VGLL3: variants seen among roughly 807,000 people sequenced by gnomAD.
VGLL3 encodes transcription cofactor vestigial-like protein 3.
In VGLL3, 18 loss-of-function variants were observed where a neutral mutation model predicts 29.2. The observed-to-expected ratio is 0.62, with a 90% CI of 0.43 to 0.91. The LOEUF is 0.91. Ranked by LOEUF, VGLL3 falls within the 40% of genes least tolerant of loss-of-function variation. The pLI is 0.00. For synonymous variants in VGLL3, 180 were observed against 151.8 expected, an observed-to-expected ratio of 1.19 and a Z score of -1.36; for missense variants, 440 against 413.2, an observed-to-expected ratio of 1.06 and a Z score of -0.56.
chr3:86,990,125 A>G (rs750544567), intron 1 of VGLL3, among the ~76,000 whole-genome samples: 2 of 152,180 alleles, frequency 1.3e-5, no homozygotes, highest in Admixed American at 1.3e-4. Context: ...CACCCGATAG[A>G]CATTATGCTA....
At position 86,942,406 on chromosome 3, in the gene VGLL3, T is replaced by C. The variant is rs1383992143; in HGVS notation, c.*4618A>G. The C allele has an allele frequency of 2.0e-5, 3 of 152,154 alleles. No homozygotes were observed. The highest frequency in any genetic ancestry group is 1.3e-4 in the Admixed American group (2 of 15,266). The allele number at this position is 152,154 out of a possible 1,614,324, so 9.4% of individuals were successfully genotyped here. A position where few individuals can be genotyped will look rare whatever the true frequency, so the allele number is the denominator to read the frequency against. ...CCAATAAGATTGTTTCTTTTTTTCC[T>C]TGAGTAGAGTAAATCTGCTGACTGA... On this transcript the variant is annotated 3_prime_UTR_variant, in exon 4 of 4. Coordinates refer to ENST00000398399, the MANE Select transcript of VGLL3 (RefSeq NM_016206.4).
intron 3 of VGLL3, among the ~76,000 whole-genome samples, chr3:86,960,738 A>G (rs1033533868): frequency 2.0e-5 from 3 of 151,996 alleles, no homozygotes; most frequent in African/African-American, 7.2e-5. Context: ...ATAGTGTTTA[A>G]TATCTGGATA....
chr3:86,957,212 G>T, intron 3 of VGLL3, among the ~76,000 whole-genome samples: 1 of 152,066 alleles, frequency 6.6e-6, no homozygotes, highest in Middle Eastern at 3.2e-3. Flanking sequence ...TCCATTGTCT[G>T]CCCAATCAAT....
intron 3 of VGLL3, among the ~76,000 whole-genome samples, chr3:86,947,594 T>C (rs1449070686): frequency 6.6e-6 from 1 of 152,188 alleles, no homozygotes; most frequent in Non-Finnish European, 1.5e-5. Flanking sequence ...GAGTCTACTA[T>C]AGTCAGTAAA....
rs1166135205 is a variant in VGLL3, at chr3:86,966,785, A to G, written c.937+1805T>C. ...ATAGTGTGTGTGTGTATATATATAT[A>G]TATATATATATATATATATATATAT... On this transcript the variant is annotated intron_variant, in intron 3 of 3. Coordinates refer to ENST00000398399, the MANE Select transcript of VGLL3 (RefSeq NM_016206.4). Among the ~76,000 whole-genome samples, 59 of 82,872 alleles carry G rather than the reference A, an allele frequency of 7.1e-4. 1 individual carries two copies. The highest frequency in any genetic ancestry group is 1.8e-3 in the African/African-American group (35 of 19,480). 54.4% of individuals were successfully genotyped at this position (82,872 alleles called of 152,430 possible). A position where few individuals can be genotyped will look rare whatever the true frequency, so the allele number is the denominator to read the frequency against.
rs1199151263 is a variant in VGLL3, at chr3:86,938,238, AAATT to A, written c.*8782_*8785del. 6.6e-6 allele frequency: 1 copy of A among 152,238 alleles called. No homozygotes were observed. Among genetic ancestry groups the A allele is most frequent in the Non-Finnish European group, 1.5e-5 (1 of 68,040 alleles). 9.4% of individuals were successfully genotyped at this position (152,238 alleles called of 1,614,324 possible). A position where few individuals can be genotyped will look rare whatever the true frequency, so the allele number is the denominator to read the frequency against. Reference sequence around the variant, plus strand: ...ACATTGTGTAATCATTATCACAATCAAATTAATTAATACAACCATAACTAGAAGT... The same window carrying A: ...ACATTGTGTAATCATTATCACAATCAAATTAATACAACCATAACTAGAAGT... On this transcript the variant is annotated 3_prime_UTR_variant, in exon 4 of 4. Coordinates refer to ENST00000398399, the MANE Select transcript of VGLL3 (RefSeq NM_016206.4).
Position 86,938,704 on chromosome 3 carries a change from C to T in VGLL3, c.*8320G>A, listed in dbSNP as rs1324546594. ...CCAGAGTATGGATACCTTCTTTACA[C>T]ATTAAATCTATCAAAACATGTTTGC... On this transcript the variant is annotated 3_prime_UTR_variant, in exon 4 of 4. Coordinates refer to ENST00000398399, the MANE Select transcript of VGLL3 (RefSeq NM_016206.4). 1.3e-5 allele frequency: 2 copies of T among 152,652 alleles called. No individual in the cohort carries two copies. The highest frequency in any genetic ancestry group is 6.5e-5 in the Admixed American group (1 of 15,280). 9.5% of individuals were successfully genotyped at this position (152,652 alleles called of 1,614,324 possible).
intron 2 of VGLL3, among the ~76,000 whole-genome samples, chr3:86,974,324 G>T (rs909381528): frequency 2.0e-5 from 3 of 151,988 alleles, no homozygotes; most frequent in Non-Finnish European, 4.4e-5. Flanking sequence ...TCACAATGTT[G>T]CCTAGGCTGG....
chr3:86,988,223 C>T (rs1436637), intron 1 of VGLL3, among the ~76,000 whole-genome samples: 151,910 of 152,266 alleles, frequency 1, 75,778 homozygotes, highest in Middle Eastern at 1. Context: ...TACTTTTCTT[C>T]GCTCCTTTTC....
chr3:86,988,937 C>T (rs1322989960), intron 1 of VGLL3, among the ~76,000 whole-genome samples: 3 of 151,902 alleles, frequency 2.0e-5, no homozygotes, highest in Middle Eastern at 6.8e-3. Flanking sequence ...AGTATGTTGA[C>T]GGTTTTAGCA....
intron 3 of VGLL3, among the ~76,000 whole-genome samples, chr3:86,952,421 C>T (rs1260727891): frequency 1.3e-5 from 2 of 152,100 alleles, no homozygotes; most frequent in Non-Finnish European, 2.9e-5. Context: ...CTGATCATGG[C>T]TCTTTTAAGT....
intron 2 of VGLL3, among the ~76,000 whole-genome samples, chr3:86,969,613 A>G (rs1381883902): frequency 6.6e-6 from 1 of 152,170 alleles, no homozygotes; most frequent in African/African-American, 2.4e-5. Context: ...TGGAAGTAAG[A>G]TTACAATTAC....
chr3:86,970,649 A>G (rs1705080583), intron 2 of VGLL3, among the ~76,000 whole-genome samples: 1 of 152,106 alleles, frequency 6.6e-6, no homozygotes, highest in African/African-American at 2.4e-5. Context: ...CTGAATGTAA[A>G]TTCTATTCTG....
intron 1 of VGLL3, among the ~76,000 whole-genome samples, chr3:86,986,072 C>T (rs373515025): frequency 3.9e-5 from 6 of 152,082 alleles, no homozygotes; most frequent in African/African-American, 7.2e-5. Flanking sequence ...TATACACACA[C>T]GCACATAGCC....
At chr3:86,962,359 A>G (rs951402559) in intron 3 of VGLL3, 1 of 985,250 alleles carries the variant, frequency 1.0e-6, no homozygotes, top group Non-Finnish European at 1.2e-6. Context: ...GGTGGCATAC[A>G]CTTGCACAGC....
rs1456275247 is a variant in VGLL3 at position 86,945,823 on chromosome 3, TGTTAA to T, written c.*1196_*1200del. On this transcript the variant is annotated 3_prime_UTR_variant, in exon 4 of 4. Transcript: ENST00000398399. ...ATTTAAACAAACAAAAAAAGAGACT[TGTTAA>T]GTTCTGTGTTGAAACTATTATATAT... 1.1e-4 allele frequency: 16 copies of T among 152,068 alleles called. No individual in the cohort carries two copies. Among genetic ancestry groups the T allele is most frequent in the Non-Finnish European group, 2.1e-4 (14 of 67,996 alleles). The allele number at this position is 152,068 out of a possible 1,614,324, so 9.4% of individuals were successfully genotyped here.
rs189419950 is a variant in VGLL3 at position 86,988,969 on chromosome 3, G to A, written c.126+1649C>T. Among the ~76,000 whole-genome samples, 237 of 152,070 alleles carry A rather than the reference G, an allele frequency of 1.6e-3. 6 individuals are homozygous for A. The highest frequency in any genetic ancestry group is 0.015 in the Admixed American group (226 of 15,286). Reference sequence around the variant, plus strand: ...AGCAAAAGAAATGAATTTGGGGACCGAGTCTCAGGGCTATTGCAAACATTA... The same window carrying A: ...AGCAAAAGAAATGAATTTGGGGACCAAGTCTCAGGGCTATTGCAAACATTA... On this transcript the variant is annotated intron_variant, in intron 1 of 3. Coordinates refer to ENST00000398399, the MANE Select transcript of VGLL3 (RefSeq NM_016206.4).
At chr3:86,977,006 C>T (rs2107044223) in intron 2 of VGLL3, among the ~76,000 whole-genome samples, 1 of 152,302 alleles carries the variant, frequency 6.6e-6, no homozygotes, top group African/African-American at 2.4e-5. Context: ...TAGTCTATTA[C>T]ATAAGCATCA....
rs1219216712 is a variant in VGLL3, at chr3:86,946,277, A to G, written c.*747T>C. 5 of 152,136 alleles carry G rather than the reference A, an allele frequency of 3.3e-5. No homozygotes were observed. The East Asian group carries it at 9.6e-4, about 29-fold the overall frequency. The allele number at this position is 152,136 out of a possible 1,614,324, so 9.4% of individuals were successfully genotyped here. A position where few individuals can be genotyped will look rare whatever the true frequency, so the allele number is the denominator to read the frequency against. On this transcript the variant is annotated 3_prime_UTR_variant, in exon 4 of 4. Transcript: ENST00000398399. ...CAATAAAATATCATTTCTTTAGCAC[A>G]GTCATTAAAAAAAAACTTTTCAAGC...
Sources: allele counts gnomAD v4.1 joint callset (sites outside exome capture counted in the v4.1 genomes callset), GRCh38; gene constraint gnomAD v4.1.1; transcripts MANE v1.5; gene names NCBI Gene and HGNC (gene_info 2026-07-23, HGNC 2026-07-21).